Variants in SMARCB1 observed in about 807,000 individuals in gnomAD.
The protein encoded by SMARCB1 is SWI/SNF-related matrix-associated actin-dependent regulator of chromatin subfamily B member 1.
In SMARCB1, 5 loss-of-function variants were observed where a neutral mutation model predicts 49.0. The observed-to-expected ratio is 0.10, with a 90% CI of 0.05 to 0.21. The LOEUF (loss-of-function observed/expected upper bound fraction) is 0.21, where lower values mean the gene tolerates loss of function less well. Ranked by LOEUF, SMARCB1 falls within the 10% of genes least tolerant of loss-of-function variation. SMARCB1 has a pLI of 1.00. For missense variants in SMARCB1, 226 were observed against 509.2 expected, an observed-to-expected ratio of 0.44 and a Z score of 5.35; for synonymous variants, 201 against 200.1, an observed-to-expected ratio of 1.00 and a Z score of -0.04.
Position 23,793,705 on chromosome 22 carries a change from C to G in SMARCB1, c.362+17C>G, listed in dbSNP as rs778352826. On this transcript the variant is annotated intron_variant, in intron 3 of 8. Coordinates refer to ENST00000644036, the MANE Select transcript of SMARCB1 (RefSeq NM_003073.5). ...CTACCTCAGGTAATGCGTTCCTGGC[C>G]AGGGCATCTCTGGGGACACCTGTGG... 1.9e-6 allele frequency: 3 copies of G among 1,613,788 alleles called. No individual in the cohort carries two copies. In the South Asian group the frequency reaches 3.3e-5, roughly 18 times the overall value.
Position 23,787,123 on chromosome 22 carries a change from C to T in SMARCB1, c.-47C>T, listed in dbSNP as rs1047027728. ...CACGCCCCGGCCCCGCCCCAGCCCT[C>T]CTGATCCCTCGCAGCCCGGCTCCGG... On this transcript the variant is annotated 5_prime_UTR_variant, in exon 1 of 9. Transcript: ENST00000644036. 6 of 1,251,282 alleles carry T rather than the reference C, an allele frequency of 4.8e-6. No individual in the cohort carries two copies. In the African/African-American group the frequency reaches 7.5e-5, roughly 16 times the overall value. The allele number at this position is 1,251,282 out of a possible 1,614,324, so 77.5% of individuals were successfully genotyped here. A position where few individuals can be genotyped will look rare whatever the true frequency, so the allele number is the denominator to read the frequency against.
chr22:23,835,740 C>T lies in SMARCB1; in HGVS notation c.*1560C>T, dbSNP rs191170008. The T allele has an allele frequency of 5.0e-5, 49 of 985,454 alleles. No individual in the cohort carries two copies. The South Asian group carries it at 8.9e-4, about 18-fold the overall frequency. 61.0% of individuals were successfully genotyped at this position (985,454 alleles called of 1,614,324 possible). A position where few individuals can be genotyped will look rare whatever the true frequency, so the allele number is the denominator to read the frequency against. On this transcript the variant is annotated 3_prime_UTR_variant, in exon 9 of 9. Coordinates refer to ENST00000644036, the MANE Select transcript of SMARCB1 (RefSeq NM_003073.5). ...TGTTCTGTCCATGAGGTAGGAACCT[C>T]GGCAATGAAAGGGTGAGGCAGCCCT...
intron 6 of SMARCB1, chr22:23,823,116 A>T (rs1439216425): frequency 6.6e-6 from 1 of 151,810 alleles, no homozygotes; most frequent in Non-Finnish European, 1.5e-5. Flanking sequence ...CACCTTTCTC[A>T]GAACAGCCTT....
At chr22:23,803,628 C>T in intron 5 of SMARCB1, 1 of 666,578 alleles carries the variant, frequency 1.5e-6, no homozygotes, top group Non-Finnish European at 2.7e-6. Flanking sequence ...ACTTTGGACT[C>T]TTTCCCCATA....
At chr22:23,817,717 C>T (rs751167083) in intron 6 of SMARCB1, 5 of 152,156 alleles carry the variant, frequency 3.3e-5, no homozygotes, top group Non-Finnish European at 7.3e-5. Flanking sequence ...GAGCCTGGGC[C>T]GACTTCTTCC....
In SMARCB1 at chr22:23,837,743, GC is replaced by G; in HGVS notation, c.*3564del. 1 of 1,614,064 alleles carries G rather than the reference GC, an allele frequency of 6.2e-7. No individual in the cohort carries two copies. The highest frequency in any genetic ancestry group is 8.5e-7 in the Non-Finnish European group (1 of 1,180,018). ...GGCAGGAACGGTGCCTGGAAAGTGA[GC>G]AGGCCGAAGAAGTTGACCCTCACCC... On this transcript the variant is annotated 3_prime_UTR_variant, in exon 9 of 9. Coordinates refer to ENST00000644036, the MANE Select transcript of SMARCB1 (RefSeq NM_003073.5).
chr22:23,832,419 C>T (rs950807575), intron 7 of SMARCB1, among the ~76,000 whole-genome samples: 2 of 152,314 alleles, frequency 1.3e-5, no homozygotes, highest in Admixed American at 6.5e-5. Flanking sequence ...CCTGCCCTTG[C>T]TTCTCCCAGA....
At chr22:23,803,651 G>C (rs557904585) in intron 5 of SMARCB1, 33 of 616,606 alleles carry the variant, frequency 5.4e-5, no homozygotes, top group Non-Finnish European at 5.0e-5. Context: ...GAGGTTGGGT[G>C]GCCCAAGAGG....
intron 3 of SMARCB1, among the ~76,000 whole-genome samples, chr22:23,797,759 A>G (rs1928870456): frequency 6.6e-6 from 1 of 151,208 alleles, no homozygotes; most frequent in Non-Finnish European, 1.5e-5. Context: ...CTGGGATTAT[A>G]GGCACCAGGC....
rs761056928 is a variant in SMARCB1 at position 23,833,614 on chromosome 22, G to C, written c.1029G>C (p.Thr343=). ...LPTVEIAIRN[T]GDADQWCPLL... ...CAGTGGAGATTGCCATCCGGAACAC[G>C]GGCGATGCGGACCAGTGGTGCCCAC... Residue 343 remains threonine (T), a synonymous_variant, in exon 8 of 9, where the codon ACG becomes ACC. Coordinates refer to ENST00000644036, the MANE Select transcript of SMARCB1 (RefSeq NM_003073.5). The C allele has an allele frequency of 6.2e-7, 1 of 1,614,222 alleles. No individual in the cohort carries two copies. Among genetic ancestry groups the C allele is most frequent in the Non-Finnish European group, 8.5e-7 (1 of 1,180,040 alleles).
chr22:23,798,430 C>T (rs948132232), intron 3 of SMARCB1, among the ~76,000 whole-genome samples: 15 of 152,116 alleles, frequency 9.9e-5, no homozygotes, highest in Non-Finnish European at 2.1e-4. Context: ...AAAAATTGCA[C>T]TCTGAGCGGC....
At chr22:23,801,592 G>T (rs534095522) in intron 4 of SMARCB1, 81 of 350,796 alleles carry the variant, frequency 2.3e-4, no homozygotes, top group South Asian at 1.7e-3. Flanking sequence ...AGAGGCCATC[G>T]AGGCGATTCG....
At chr22:23,811,036 C>CAAAAA (rs56238275) in intron 5 of SMARCB1, among the ~76,000 whole-genome samples, 1 of 131,574 alleles carries the variant, frequency 7.6e-6, no homozygotes, top group Non-Finnish European at 1.6e-5. Flanking sequence ...GACTGTGTCT[C>CAAAAA]AAAAAAAAAA....
Position 23,836,922 on chromosome 22 carries a change from G to A in SMARCB1, c.*2742G>A. On this transcript the variant is annotated 3_prime_UTR_variant, in exon 9 of 9. Transcript: ENST00000644036. ...CCTGGCTGTTCCTCAGGGAGGGGCA[G>A]GTAATTGGGGTCTTCTGCAGGGGCA... 1.9e-6 allele frequency: 3 copies of A among 1,545,014 alleles called. No homozygotes were observed. Among genetic ancestry groups the A allele is most frequent in the Non-Finnish European group, 2.6e-6 (3 of 1,147,922 alleles).
chr22:23,837,817 T>C lies in SMARCB1; in HGVS notation c.*3637T>C. The C allele has an allele frequency of 1.2e-6, 2 of 1,613,642 alleles. No homozygotes were observed. Among genetic ancestry groups the C allele is most frequent in the Non-Finnish European group, 1.7e-6 (2 of 1,179,872 alleles). On this transcript the variant is annotated 3_prime_UTR_variant, in exon 9 of 9. Transcript: ENST00000644036. ...GTACACCAGCATGGCCATGAGGGCCTGGCCCAGGAAGAACAGGCTGCCCAG... is the reference window on the plus strand; with the variant it reads ...GTACACCAGCATGGCCATGAGGGCCCGGCCCAGGAAGAACAGGCTGCCCAG...
At chr22:23,816,239 C>T (rs1376067872) in intron 5 of SMARCB1, 1 of 187,436 alleles carries the variant, frequency 5.3e-6, no homozygotes, top group African/African-American at 2.3e-5. Context: ...TTTCCAGGAT[C>T]CGGGATCTGT....
At chr22:23,792,239 C>T in intron 2 of SMARCB1, 1 of 364,312 alleles carries the variant, frequency 2.7e-6, no homozygotes, top group Non-Finnish European at 5.4e-6. Context: ...ATCTTCCATG[C>T]AGCCCAAGTG....
At chr22:23,796,716 A>G (rs796542976) in intron 3 of SMARCB1, among the ~76,000 whole-genome samples, 3 of 152,138 alleles carry the variant, frequency 2.0e-5, no homozygotes, top group Admixed American at 6.6e-5. Flanking sequence ...AATTCTGCAC[A>G]TGTCAGCTGG....
intron 6 of SMARCB1, among the ~76,000 whole-genome samples, chr22:23,819,779 C>T (rs1038869988): frequency 3.4e-5 from 5 of 146,976 alleles, no homozygotes; most frequent in Non-Finnish European, 7.5e-5. Flanking sequence ...ACCAGCAAGG[C>T]GCAGGGGTTC....
Sources: allele counts gnomAD v4.1 joint callset (sites outside exome capture counted in the v4.1 genomes callset), GRCh38; gene constraint gnomAD v4.1.1; transcripts MANE v1.5; gene names NCBI Gene and HGNC (gene_info 2026-07-23, HGNC 2026-07-21).